CAMTA1: variants seen among roughly 807,000 people sequenced by gnomAD.
CAMTA1 encodes calmodulin-binding transcription activator 1.
CAMTA1 carries 27 observed loss-of-function variants against 170.9 expected under a neutral mutation model. That is an observed-to-expected ratio of 0.16 (90% CI 0.12 to 0.22). CAMTA1 has a LOEUF of 0.22. Among genes scored for constraint, CAMTA1 ranks in the 10% least tolerant of loss-of-function variants. The pLI is 1.00. For missense variants in CAMTA1, 1,619 were observed against 2,217.2 expected, an observed-to-expected ratio of 0.73 and a Z score of 5.42; for synonymous variants, 833 against 891.5, an observed-to-expected ratio of 0.93 and a Z score of 1.17.
rs1433296564 is a variant in CAMTA1, at chr1:6,887,474, G to A, written c.234+62264G>A. On this transcript the variant is annotated intron_variant, in intron 3 of 22. Coordinates refer to ENST00000303635, the MANE Select transcript of CAMTA1 (RefSeq NM_015215.4). This position sits in a 1 kb window ranked among gnomAD's most constrained non-coding sequence, Gnocchi z 4.1. ...ATGTACATGTGTATAGTATGTGGGT[G>A]GGGGTAGATACATACCTGTTCATCT... Among the ~76,000 whole-genome samples, 7 of 152,174 alleles carry A rather than the reference G, an allele frequency of 4.6e-5. No homozygotes were observed. Among genetic ancestry groups the A allele is most frequent in the Non-Finnish European group, 8.8e-5 (6 of 68,030 alleles).
chr1:7,707,663 G>T (rs1389041690), intron 11 of CAMTA1, among the ~76,000 whole-genome samples: 1 of 152,178 alleles, frequency 6.6e-6, no homozygotes, highest in African/African-American at 2.4e-5. Flanking sequence ...AGGCGTGATG[G>T]TGGGAGAAGT....
chr1:7,395,425 C>A (rs1434102860), intron 5 of CAMTA1, among the ~76,000 whole-genome samples: 11 of 152,058 alleles, frequency 7.2e-5, no homozygotes. Flanking sequence ...TTCCATTCGT[C>A]TATATGTCTG....
chr1:7,376,098 A>G (rs2086824572), intron 5 of CAMTA1, among the ~76,000 whole-genome samples: 4 of 152,238 alleles, frequency 2.6e-5, no homozygotes, highest in African/African-American at 9.6e-5. Flanking sequence ...AAGGTCACCT[A>G]AGGGCTCCCT....
At chr1:7,052,392 C>G (rs1706546876) in intron 3 of CAMTA1, among the ~76,000 whole-genome samples, 1 of 152,144 alleles carries the variant, frequency 6.6e-6, no homozygotes, top group Admixed American at 6.5e-5. Context: ...TGGCTTCCTG[C>G]TTTACCATCT....
chr1:7,497,525 C>G (rs1001709549), intron 6 of CAMTA1, among the ~76,000 whole-genome samples: 1 of 152,236 alleles, frequency 6.6e-6, no homozygotes, highest in African/African-American at 2.4e-5. Context: ...GGTGCCACAA[C>G]CACAAATCAG....
chr1:7,495,399 G>A (rs1171538597), intron 6 of CAMTA1, among the ~76,000 whole-genome samples: 3 of 152,268 alleles, frequency 2.0e-5, no homozygotes, highest in East Asian at 3.9e-4. Flanking sequence ...GAGAGGAGGC[G>A]ATGAATTCCT....
Position 6,965,900 on chromosome 1 carries a change from G to C in CAMTA1, c.235-125404G>C, listed in dbSNP as rs1265978706. Among the ~76,000 whole-genome samples the C allele has an allele frequency of 6.6e-6, 1 of 152,154 alleles. No individual in the cohort carries two copies. Among genetic ancestry groups the C allele is most frequent in the African/African-American group, 2.4e-5 (1 of 41,418 alleles). On this transcript the variant is annotated intron_variant, in intron 3 of 22. Transcript: ENST00000303635. The surrounding 1 kb of genome is among the most constrained non-coding windows in gnomAD (Gnocchi z 4.1). ...TGCCGCACGTCTGGCATTAGTTACT[G>C]CTTGTTGTGTCCTGTGGAAACTAGA...
intron 3 of CAMTA1, among the ~76,000 whole-genome samples, chr1:6,977,407 C>T (rs559900724): frequency 6.6e-6 from 1 of 151,790 alleles, no homozygotes; most frequent in Admixed American, 6.6e-5. Context: ...GTGGCGCAGT[C>T]TCGGCTCACT....
chr1:6,921,650 T>A (rs2149325245), intron 3 of CAMTA1, among the ~76,000 whole-genome samples: 1 of 152,300 alleles, frequency 6.6e-6, no homozygotes, highest in African/African-American at 2.4e-5. Context: ...GGACTCACAG[T>A]TCCATGTGGC....
chr1:6,897,728 CAG>C (rs902154183), intron 3 of CAMTA1, among the ~76,000 whole-genome samples: 1 of 152,158 alleles, frequency 6.6e-6, no homozygotes, highest in African/African-American at 2.4e-5. Context: ...GAAAATGAAA[CAG>C]AGCTCTCTGA....
chr1:7,563,277 G>A (rs923688838), intron 6 of CAMTA1, among the ~76,000 whole-genome samples: 4 of 152,210 alleles, frequency 2.6e-5, no homozygotes, highest in African/African-American at 4.8e-5. Context: ...TGCTAGAAGC[G>A]AACCTGCTTT....
At chr1:7,356,567 T>G (rs998687682) in intron 5 of CAMTA1, among the ~76,000 whole-genome samples, 1 of 152,096 alleles carries the variant, frequency 6.6e-6, no homozygotes, top group Non-Finnish European at 1.5e-5. Context: ...TGCCACCGCC[T>G]CCTCCTCCAG....
chr1:7,720,032 A>C (rs2096638868), intron 11 of CAMTA1, among the ~76,000 whole-genome samples: 1 of 152,250 alleles, frequency 6.6e-6, no homozygotes, highest in Admixed American at 6.5e-5. Context: ...CTGCCAAGGC[A>C]AAACTTTTTC....
intron 4 of CAMTA1, among the ~76,000 whole-genome samples, chr1:7,141,157 C>T (rs1645866100): frequency 1.3e-5 from 2 of 152,240 alleles, no homozygotes; most frequent in South Asian, 2.1e-4. Context: ...TTTGGTTGGT[C>T]ATACCTTCTA....
intron 7 of CAMTA1, among the ~76,000 whole-genome samples, chr1:7,643,357 G>A (rs151020798): frequency 6.6e-6 from 1 of 152,360 alleles, no homozygotes; most frequent in Non-Finnish European, 1.5e-5. Context: ...GAGATTGTGT[G>A]AGCCAGAGAT....
At chr1:7,175,131 G>A (rs1208225875) in intron 4 of CAMTA1, among the ~76,000 whole-genome samples, 1 of 152,120 alleles carries the variant, frequency 6.6e-6, no homozygotes, top group African/African-American at 2.4e-5. Context: ...CAGGCACTCT[G>A]GCCCATGTGC....
At chr1:7,749,805 C>G (rs1359547604) in intron 19 of CAMTA1, 1 of 456,402 alleles carries the variant, frequency 2.2e-6, no homozygotes, top group Admixed American at 2.4e-5. Context: ...ATGATACACC[C>G]AAGCCCTCTC....
intron 6 of CAMTA1, among the ~76,000 whole-genome samples, chr1:7,546,247 C>T (rs1011646822): frequency 2.6e-5 from 4 of 152,164 alleles, no homozygotes; most frequent in Non-Finnish European, 5.9e-5. Context: ...TGAGCCACTG[C>T]GCCCGGCCTG....
chr1:7,305,285 A>G (rs1247009603), intron 5 of CAMTA1, among the ~76,000 whole-genome samples: 2 of 152,066 alleles, frequency 1.3e-5, no homozygotes, highest in Non-Finnish European at 2.9e-5. Context: ...ATATTCATGA[A>G]GGAAGTCCAC....
Sources: gnomAD v4.1 joint callset for allele counts (sites outside exome capture counted in the v4.1 genomes callset) on GRCh38, gnomAD v4.1.1 for gene constraint, Gnocchi (gnomAD v3.1) non-coding constraint, MANE v1.5 for transcripts, NCBI Gene and HGNC (gene_info 2026-07-23, HGNC 2026-07-21) for gene names.